NRG3: variants seen among roughly 807,000 people sequenced by gnomAD.
The protein encoded by NRG3 is neuregulin 3.
NRG3 carries 31 observed loss-of-function variants against 66.9 expected under a neutral mutation model. The observed-to-expected ratio is 0.46, with a 90% CI of 0.35 to 0.63. The LOEUF is 0.63. Ranked by LOEUF, NRG3 falls within the 20% of genes least tolerant of loss-of-function variation. The pLI is 0.00. For synonymous variants in NRG3, 393 were observed against 359.4 expected, an observed-to-expected ratio of 1.09 and a Z score of -1.06; for missense variants, 910 against 878.9, an observed-to-expected ratio of 1.04 and a Z score of -0.45.
At position 82,983,410 on chromosome 10, in the gene NRG3, C is replaced by G. The variant is rs183035313; in HGVS notation, c.1584-1688C>G. On this transcript the variant is annotated intron_variant, in intron 8 of 8. Coordinates refer to ENST00000372141, the MANE Select transcript of NRG3 (RefSeq NM_001010848.4). ...CTAATGAGAATGGAGTAATATTCCCCAAGAATTTCCAAATATGTAGCTGTG... is the reference window on the plus strand; with the variant it reads ...CTAATGAGAATGGAGTAATATTCCCGAAGAATTTCCAAATATGTAGCTGTG... Among the ~76,000 whole-genome samples, 6 of 152,198 alleles carry G rather than the reference C, an allele frequency of 3.9e-5. No individual in the cohort carries two copies. The East Asian group carries it at 1.2e-3, about 29-fold the overall frequency.
intron 2 of NRG3, among the ~76,000 whole-genome samples, chr10:82,416,214 A>G (rs1020477501): frequency 2.0e-5 from 3 of 152,206 alleles, no homozygotes; most frequent in South Asian, 2.1e-4. Context: ...TTAGTATGCA[A>G]TATGTAGTTA....
chr10:82,758,555 G>A (rs573252332), intron 3 of NRG3, among the ~76,000 whole-genome samples: 1 of 151,984 alleles, frequency 6.6e-6, no homozygotes, highest in Non-Finnish European at 1.5e-5. Flanking sequence ...CCTGTTTATT[G>A]TCACCGAATA....
chr10:82,380,974 A>T (rs190195238), intron 2 of NRG3, among the ~76,000 whole-genome samples: 1 of 152,314 alleles, frequency 6.6e-6, no homozygotes, highest in East Asian at 1.9e-4. Flanking sequence ...CCTACAGGTA[A>T]CCACATGGAT....
intron 4 of NRG3, among the ~76,000 whole-genome samples, chr10:82,939,389 A>G (rs1848370813): frequency 6.6e-6 from 1 of 152,146 alleles, no homozygotes; most frequent in Non-Finnish European, 1.5e-5. Context: ...TAAACTATAG[A>G]GTATCAACAT....
At chr10:82,094,353 T>C (rs548328492) in intron 1 of NRG3, among the ~76,000 whole-genome samples, 1 of 152,300 alleles carries the variant, frequency 6.6e-6, no homozygotes, top group East Asian at 1.9e-4. Flanking sequence ...CAGATGCCGA[T>C]GAGCATGCGC....
At chr10:82,311,650 G>A (rs879598850) in intron 1 of NRG3, among the ~76,000 whole-genome samples, 5 of 152,152 alleles carry the variant, frequency 3.3e-5, no homozygotes, top group South Asian at 2.1e-4. Context: ...CTTGCTGACC[G>A]ATATTTACCA....
chr10:82,118,276 T>C (rs2067855794), intron 1 of NRG3, among the ~76,000 whole-genome samples: 1 of 151,834 alleles, frequency 6.6e-6, no homozygotes, highest in African/African-American at 2.4e-5. Context: ...AATTTTAGGC[T>C]GTGGGTTAGC....
intron 2 of NRG3, among the ~76,000 whole-genome samples, chr10:82,610,254 C>T (rs1205110373): frequency 6.6e-6 from 1 of 152,036 alleles, no homozygotes. Flanking sequence ...TTGGGACAAG[C>T]TGGACAAACT....
At chr10:82,399,503 A>G (rs1181637576) in intron 2 of NRG3, among the ~76,000 whole-genome samples, 1 of 152,176 alleles carries the variant, frequency 6.6e-6, no homozygotes, top group Non-Finnish European at 1.5e-5. Flanking sequence ...TATTTCTCAC[A>G]GTTCTGGAGA....
chr10:82,952,278 C>A (rs879846333), intron 5 of NRG3, among the ~76,000 whole-genome samples: 2 of 151,906 alleles, frequency 1.3e-5, no homozygotes, highest in African/African-American at 2.4e-5. Context: ...AGGAAAAATA[C>A]AAAAATTAGT....
chr10:82,729,509 A>G (rs778092943), intron 2 of NRG3, among the ~76,000 whole-genome samples: 6 of 152,164 alleles, frequency 3.9e-5, no homozygotes, highest in Non-Finnish European at 8.8e-5. Context: ...TTCCTCCCAC[A>G]TAGCTGCTCT....
At chr10:82,314,998 A>G (rs1168239156) in intron 1 of NRG3, among the ~76,000 whole-genome samples, 1 of 152,184 alleles carries the variant, frequency 6.6e-6, no homozygotes, top group Non-Finnish European at 1.5e-5. Context: ...AGCTGAATGT[A>G]TATGTGTGTG....
At chr10:82,689,404 T>G in intron 2 of NRG3, among the ~76,000 whole-genome samples, 1 of 152,128 alleles carries the variant, frequency 6.6e-6, no homozygotes, top group East Asian at 1.9e-4. Context: ...CCTCTGTCAG[T>G]TAGTGCACGT....
chr10:81,975,988 A>C (rs2060110574), intron 1 of NRG3, among the ~76,000 whole-genome samples: 1 of 152,168 alleles, frequency 6.6e-6, no homozygotes, highest in Admixed American at 6.5e-5. Context: ...ACAAGGAAAC[A>C]GAATCTTTTC....
chr10:82,421,820 G>A (rs1038110775), intron 2 of NRG3, among the ~76,000 whole-genome samples: 5 of 138,526 alleles, frequency 3.6e-5, no homozygotes, highest in Admixed American at 2.7e-4. Flanking sequence ...TTTTGAAAAG[G>A]ACCCCTTTCT....
intron 2 of NRG3, among the ~76,000 whole-genome samples, chr10:82,471,309 G>A (rs543278668): frequency 4.6e-5 from 7 of 152,040 alleles, no homozygotes; most frequent in Admixed American, 1.3e-4. Flanking sequence ...AACTTCCCAC[G>A]GCTCCACCCC....
chr10:82,967,787 A>G lies in NRG3; in HGVS notation c.1285-6001A>G, dbSNP rs192363200. On this transcript the variant is annotated intron_variant, in intron 6 of 8. Transcript: ENST00000372141. ...CCCCTTCCACTGGCAGAGACATTAG[A>G]TGATTTTTTTTGTTGCTGTTGGGGT... Among the ~76,000 whole-genome samples the G allele has an allele frequency of 4.8e-4, 73 of 152,264 alleles. 1 individual carries two copies. The East Asian group carries it at 0.013, about 27-fold the overall frequency.
At chr10:82,200,973 G>A (rs1302526413) in intron 1 of NRG3, among the ~76,000 whole-genome samples, 2 of 151,856 alleles carry the variant, frequency 1.3e-5, no homozygotes, top group South Asian at 2.1e-4. Context: ...CGAGGTGGGC[G>A]GATCACGAGG....
chr10:82,813,081 C>T (rs2061557431), intron 3 of NRG3, among the ~76,000 whole-genome samples: 1 of 152,098 alleles, frequency 6.6e-6, no homozygotes, highest in African/African-American at 2.4e-5. Flanking sequence ...GAAACCTGTG[C>T]TCATATCACT....
Sources: allele counts gnomAD v4.1 joint callset (sites outside exome capture counted in the v4.1 genomes callset), GRCh38; gene constraint gnomAD v4.1.1; transcripts MANE v1.5; gene names NCBI Gene and HGNC (gene_info 2026-07-23, HGNC 2026-07-21).